Variants in PBXIP1 observed in about 807,000 individuals in gnomAD.
The protein encoded by PBXIP1 is pre-B-cell leukemia transcription factor-interacting protein 1.
In PBXIP1, 73 loss-of-function variants were observed where a neutral mutation model predicts 73.7. That is an observed-to-expected ratio of 0.99 (90% CI 0.82 to 1.20). The LOEUF (loss-of-function observed/expected upper bound fraction) is 1.20. Among genes scored for constraint, PBXIP1 ranks in the 50% most tolerant of loss-of-function variants. PBXIP1 has a pLI of 0.00. For missense variants in PBXIP1, 818 were observed against 911.4 expected (o/e 0.90, Z 1.32); for synonymous variants, 330 against 366.9 (o/e 0.90, Z 1.15).
Position 154,947,450 on chromosome 1 carries a change from G to A in PBXIP1, c.837C>T (p.Asn279=). 1 of 1,614,030 alleles carries A rather than the reference G, an allele frequency of 6.2e-7. No homozygotes were observed. Among genetic ancestry groups the A allele is most frequent in the Non-Finnish European group, 8.5e-7 (1 of 1,179,982 alleles). ...GGGCCTGCAGCAGCCGGATGTCCTG[G>A]TTCTCCTTGGCCAGCTTGTCCAGCA... is the stretch of plus-strand genomic sequence containing the variant. ...GLLLDKLAKE[N]QDIRLLQAQL... The change falls in exon 9 of 11, where the codon AAC becomes AAT. Residue 279 remains asparagine (N), a synonymous_variant. Transcript: ENST00000368463.
Position 154,947,670 on chromosome 1 carries a change from T to TC in PBXIP1, c.709dup (p.Glu237GlyfsTer24). 1 of 1,613,798 alleles carries TC rather than the reference T, an allele frequency of 6.2e-7. No homozygotes were observed. The highest frequency in any genetic ancestry group is 1.1e-5 in the South Asian group (1 of 91,068). ...CCTGTCCCCCACAGCTTCCAGCACC[T>TC]CGGGGTCTGGGAGGACCTGCCGCTC... On this transcript the variant is annotated frameshift_variant, in exon 8 of 11. Coordinates refer to ENST00000368463, the MANE Select transcript of PBXIP1 (RefSeq NM_020524.4). LOFTEE classifies it high-confidence loss of function.
chr1:154,947,977 C>T lies in PBXIP1; in HGVS notation c.667+5G>A. The T allele has an allele frequency of 6.2e-7, 1 of 1,613,586 alleles. No homozygotes were observed. Among genetic ancestry groups the T allele is most frequent in the Non-Finnish European group, 8.5e-7 (1 of 1,179,560 alleles). ...CCAGCACAAGACAGGCTCCTCCCTA[C>T]TCACCAGTCTCAGACTCTGAGAGGC... On this transcript the variant is annotated splice_donor_5th_base_variant and intron_variant, in intron 7 of 10. Transcript: ENST00000368463.
At position 154,945,079 on chromosome 1, in the gene PBXIP1, G is replaced by C; in HGVS notation, c.2141C>G (p.Ala714Gly). Reference sequence around the variant, plus strand: ...GCTGTGCCCCTCCCTGGGCCCCGCAGCTCTTGGGCTCTGTGAGTGCTTGTC... The same window carrying C: ...GCTGTGCCCCTCCCTGGGCCCCGCACCTCTTGGGCTCTGTGAGTGCTTGTC... ...KKDKHSQSPR[A>G]AGPREGHSHS... Residue 714 changes from alanine (A) to glycine (G), a missense_variant, in exon 11 of 11, where the codon GCT becomes GGT. Transcript: ENST00000368463. 1 of 1,614,158 alleles carries C rather than the reference G, an allele frequency of 6.2e-7. No homozygotes were observed. Among genetic ancestry groups the C allele is most frequent in the Non-Finnish European group, 8.5e-7 (1 of 1,179,978 alleles).
rs1360605214 is a variant in PBXIP1, at chr1:154,948,476, C to A, written c.410-110G>T. The A allele has an allele frequency of 1.6e-5, 12 of 746,092 alleles. No individual in the cohort carries two copies. The Middle Eastern group carries it at 1.5e-3, about 95-fold the overall frequency. 46.2% of individuals were successfully genotyped at this position (746,092 alleles called of 1,614,324 possible). A position where few individuals can be genotyped will look rare whatever the true frequency, so the allele number is the denominator to read the frequency against. Reference sequence around the variant, plus strand: ...AGGGAGGGAGGTCGTCAGCCCTGACCCCAGAGAGGGGCACATGAAGACCTT... The same window carrying A: ...AGGGAGGGAGGTCGTCAGCCCTGACACCAGAGAGGGGCACATGAAGACCTT... On this transcript the variant is annotated intron_variant, in intron 5 of 10. Transcript: ENST00000368463.
intron 5 of PBXIP1, among the ~76,000 whole-genome samples, chr1:154,949,565 G>T (rs1558039554): frequency 6.6e-6 from 1 of 152,082 alleles, no homozygotes; most frequent in Non-Finnish European, 1.5e-5. Context: ...TTCACCTAAG[G>T]ATAGCCAATG....
In PBXIP1 at chr1:154,944,669, G is replaced by A. The variant is rs1256657939; in HGVS notation, c.*355C>T. ...GCATGTGGGTCAAGGGGCCCACTAT[G>A]GGGACATACACTCAAGAGGATGAAA... On this transcript the variant is annotated 3_prime_UTR_variant, in exon 11 of 11. Coordinates refer to ENST00000368463, the MANE Select transcript of PBXIP1 (RefSeq NM_020524.4). The A allele has an allele frequency of 5.0e-6, 1 of 198,860 alleles. No homozygotes were observed. The allele number at this position is 198,860 out of a possible 1,614,324, so 12.3% of individuals were successfully genotyped here.
At position 154,951,996 on chromosome 1, in the gene PBXIP1, T is replaced by A; in HGVS notation, c.52-75A>T. 1 of 1,515,504 alleles carries A rather than the reference T, an allele frequency of 6.6e-7. No homozygotes were observed. 93.9% of individuals were successfully genotyped at this position (1,515,504 alleles called of 1,614,324 possible). The stretch of plus-strand genomic sequence containing the variant: ...AGCCCACATCCCAGAAACACACACA[T>A]TCAGTCATGAGCTGGCCCAAAAAGG... On this transcript the variant is annotated intron_variant, in intron 2 of 10. Transcript: ENST00000368463. The surrounding 1 kb of genome is among the most constrained non-coding windows in gnomAD (Gnocchi z 4.3).
chr1:154,946,030 G>A lies in PBXIP1; in HGVS notation c.1644C>T (p.Phe548=), dbSNP rs754608491. ...PKEPPRKSGS[F]HSSGEKQKQP... is the part of the protein sequence containing the mutation. Reference sequence around the variant, plus strand: ...GCTTCTGCTTTTCTCCAGAGGAGTGGAAGCTACCACTTTTCCTTGGGGGTT... The same window carrying A: ...GCTTCTGCTTTTCTCCAGAGGAGTGAAAGCTACCACTTTTCCTTGGGGGTT... The change falls in exon 10 of 11, where the codon TTC becomes TTT. Residue 548 remains phenylalanine, a synonymous_variant. Coordinates refer to ENST00000368463, the MANE Select transcript of PBXIP1 (RefSeq NM_020524.4). The A allele has an allele frequency of 4.3e-6, 7 of 1,614,152 alleles. No individual in the cohort carries two copies. Among genetic ancestry groups the A allele is most frequent in the Non-Finnish European group, 5.9e-6 (7 of 1,180,006 alleles).
intron 5 of PBXIP1, among the ~76,000 whole-genome samples, chr1:154,950,781 C>T (rs1158765353): frequency 6.6e-6 from 1 of 152,276 alleles, no homozygotes; most frequent in African/African-American, 2.4e-5. Flanking sequence ...CTCAACCAGT[C>T]CCCTGACTGA....
At position 154,944,987 on chromosome 1, in the gene PBXIP1, T is replaced by TGGGCC; in HGVS notation, c.*32_*36dup. 6.5e-7 allele frequency: 1 copy of TGGGCC among 1,547,094 alleles called. No homozygotes were observed. On this transcript the variant is annotated 3_prime_UTR_variant, in exon 11 of 11. Coordinates refer to ENST00000368463, the MANE Select transcript of PBXIP1 (RefSeq NM_020524.4). ...GTTAGATAACGCTGGGATCTTGGGCTGGGCCAGGCCAAGGCCATTCCCTGT... is the reference window on the plus strand; with the variant it reads ...GTTAGATAACGCTGGGATCTTGGGCTGGGCCGGGCCAGGCCAAGGCCATTCCCTGT...
chr1:154,951,893 G>T lies in PBXIP1; in HGVS notation c.80C>A (p.Ala27Glu). ...CTCAGATTCTGGGTCCATCCTGGAT[G>T]CCGGGCCCAGTGTCTCCACTGGCAG... ...ESLPVETLGP[A>E]SRMDPESERA... Residue 27 changes from alanine (A) to glutamate (E), a missense_variant, in exon 3 of 11, where the codon GCA becomes GAA. Physicochemically the swap from Ala to Glu is moderately radical, Grantham distance 107 (BLOSUM62 -1). Coordinates refer to ENST00000368463, the MANE Select transcript of PBXIP1 (RefSeq NM_020524.4). The surrounding 1 kb of genome is among the most constrained non-coding windows in gnomAD (Gnocchi z 4.3). The T allele has an allele frequency of 6.2e-7, 1 of 1,612,488 alleles. No individual in the cohort carries two copies. The highest frequency in any genetic ancestry group is 1.1e-5 in the South Asian group (1 of 90,956).
chr1:154,953,210 C>A (rs902424272), intron 2 of PBXIP1, among the ~76,000 whole-genome samples: 6 of 152,168 alleles, frequency 3.9e-5, no homozygotes, highest in African/African-American at 1.4e-4. Flanking sequence ...TAACCCAAAG[C>A]CCCACACTGA....
In PBXIP1 at chr1:154,946,414, G is replaced by A. The variant is rs142114837; in HGVS notation, c.1260C>T (p.Ser420=). The A allele has an allele frequency of 2.3e-3, 3,783 of 1,611,098 alleles. 9 individuals carry two copies. Among genetic ancestry groups the A allele is most frequent in the Non-Finnish European group, 2.9e-3 (3,375 of 1,179,872 alleles). Residue 420 remains serine (S), a synonymous_variant, in exon 10 of 11, where the codon AGC becomes AGT. Coordinates refer to ENST00000368463, the MANE Select transcript of PBXIP1 (RefSeq NM_020524.4). ...AGCCAGCATGAGCTGGGTCCCCGCG[G>A]CTGGCATCCTGCAAGCTCCTCTCCA... ...QDLERSLQDA[S]RGDPAHAGLA...
chr1:154,946,463 A>C lies in PBXIP1; in HGVS notation c.1211T>G (p.Leu404Arg). The C allele has an allele frequency of 6.2e-7, 1 of 1,608,520 alleles. No homozygotes were observed. The highest frequency in any genetic ancestry group is 8.5e-7 in the Non-Finnish European group (1 of 1,179,988). The change falls in exon 10 of 11, where the codon CTG becomes CGG. Residue 404 changes from leucine (L) to arginine (R), a missense_variant. Transcript: ENST00000368463. ...LRQELERQRR[L>R]LGSVQQDLER... ...CAGATCCTGCTGTACAGACCCCAGC[A>C]GCCGTCGCTGCCTCTCTAACTCTTG... is the stretch of plus-strand genomic sequence containing the variant.
Position 154,951,937 on chromosome 1 carries a change from C to T in PBXIP1, c.52-16G>A, listed in dbSNP as rs773121594. The T allele has an allele frequency of 6.2e-7, 1 of 1,600,222 alleles. No individual in the cohort carries two copies. The highest frequency in any genetic ancestry group is 1.8e-5 in the Admixed American group (1 of 54,392). On this transcript the variant is annotated splice_polypyrimidine_tract_variant and intron_variant, in intron 2 of 10. Transcript: ENST00000368463. The surrounding 1 kb of genome is among the most constrained non-coding windows in gnomAD (Gnocchi z 4.3). Reference sequence around the variant, plus strand: ...CTGGCAGGCTCTGGGAGGAGAAGTGCAAGGAGAAGGGCTGCACCCAAGAAT... The same window carrying T: ...CTGGCAGGCTCTGGGAGGAGAAGTGTAAGGAGAAGGGCTGCACCCAAGAAT...
rs1459224882 is a variant in PBXIP1, at chr1:154,948,378, G to A, written c.410-12C>T. On this transcript the variant is annotated splice_polypyrimidine_tract_variant and intron_variant, in intron 5 of 10. Transcript: ENST00000368463. ...CTCCCTGATCCAAGCTAGGGGAAAGGACAGGGACAGGGCAGTGAGGTGACT... is the reference window on the plus strand; with the variant it reads ...CTCCCTGATCCAAGCTAGGGGAAAGAACAGGGACAGGGCAGTGAGGTGACT... 3 of 1,541,928 alleles carry A rather than the reference G, an allele frequency of 1.9e-6. No individual in the cohort carries two copies. Among genetic ancestry groups the A allele is most frequent in the Non-Finnish European group, 2.6e-6 (3 of 1,133,330 alleles).
chr1:154,944,794 T>C lies in PBXIP1; in HGVS notation c.*230A>G, dbSNP rs751188842. On this transcript the variant is annotated 3_prime_UTR_variant, in exon 11 of 11. Coordinates refer to ENST00000368463, the MANE Select transcript of PBXIP1 (RefSeq NM_020524.4). Reference sequence around the variant, plus strand: ...CACAGTGACAAAACACAAGCCCACATCCCAGGGCCTGGAGTATTTGCATGC... The same window carrying C: ...CACAGTGACAAAACACAAGCCCACACCCCAGGGCCTGGAGTATTTGCATGC... 4.2e-5 allele frequency: 21 copies of C among 496,506 alleles called. No homozygotes were observed. Among genetic ancestry groups the C allele is most frequent in the Non-Finnish European group, 6.9e-5 (19 of 276,534 alleles). 30.8% of individuals were successfully genotyped at this position (496,506 alleles called of 1,614,324 possible).
intron 9 of PBXIP1, 159 bp downstream of exon 9, chr1:154,947,258 A>T (rs745338189): frequency 1.9e-5 from 16 of 823,020 alleles, no homozygotes; most frequent in East Asian, 2.7e-5. Context: ...AGCACAAGGG[A>T]TGTGAACCAA....
rs934485144 is a variant in PBXIP1 at position 154,948,373 on chromosome 1, G to A, written c.410-7C>T. On this transcript the variant is annotated splice_polypyrimidine_tract_variant and splice_region_variant and intron_variant, in intron 5 of 10. Transcript: ENST00000368463. ...CCCTCCTCCCTGATCCAAGCTAGGG[G>A]AAAGGACAGGGACAGGGCAGTGAGG... 2 of 1,565,944 alleles carry A rather than the reference G, an allele frequency of 1.3e-6. No homozygotes were observed. Among genetic ancestry groups the A allele is most frequent in the Non-Finnish European group, 1.7e-6 (2 of 1,151,076 alleles).
Sources: gnomAD v4.1 joint callset for allele counts (sites outside exome capture counted in the v4.1 genomes callset) on GRCh38, gnomAD v4.1.1 for gene constraint, Gnocchi (gnomAD v3.1) non-coding constraint, MANE v1.5 for transcripts, NCBI Gene and HGNC (gene_info 2026-07-23, HGNC 2026-07-21) for gene names.